The following RAI1 variants were observed in gnomAD, a reference collection of about 807,000 sequenced individuals.
The protein encoded by RAI1 is retinoic acid-induced protein 1.
A neutral mutation model predicts 123.8 loss-of-function variants in RAI1; 9 were observed. The ratio of observed to expected loss-of-function variants is 0.07; its 90% CI spans 0.04 to 0.13. RAI1 has a LOEUF of 0.13. Ranked by LOEUF, RAI1 falls within the 10% of genes least tolerant of loss-of-function variation. The probability of loss-of-function intolerance (pLI) is 1.00; values close to 1 mark genes in which losing one functional copy is unlikely to be tolerated. For missense variants in RAI1, 2,256 were observed against 2,545.8 expected, an observed-to-expected ratio of 0.89 and a Z score of 2.45; for synonymous variants, 1,231 against 1,127.3, an observed-to-expected ratio of 1.09 and a Z score of -1.84.
chr17:17,699,385 C>T (rs1482588655), intron 1 of RAI1, among the ~76,000 whole-genome samples: 1 of 152,242 alleles, frequency 6.6e-6, no homozygotes, highest in Non-Finnish European at 1.5e-5. Context: ...ACAGAGCCAC[C>T]TGGATCGAAG....
At chr17:17,782,357 A>G (rs1183870530) in intron 2 of RAI1, 2 of 151,998 alleles carry the variant, frequency 1.3e-5, no homozygotes, top group Non-Finnish European at 2.9e-5. Flanking sequence ...GTTCGGTGCC[A>G]GAGGACTCCA....
rs1383394948 is a variant in RAI1 at position 17,795,560 on chromosome 17, A to T, written c.2612A>T (p.Tyr871Phe). 3 of 1,608,818 alleles carry T rather than the reference A, an allele frequency of 1.9e-6. No individual in the cohort carries two copies. Among genetic ancestry groups the T allele is most frequent in the Non-Finnish European group, 2.5e-6 (3 of 1,177,950 alleles). The stretch of plus-strand genomic sequence containing the variant: ...GAGGACCTGGAAGCTGAGGAGGAGT[A>T]CTCCTCCCTATGTGAGCTCCTGGGC... ...RKEDLEAEEE[Y>F]SSLCELLGSP... The change falls in exon 3 of 6, where the codon TAC (tyrosine) becomes TTC (phenylalanine). Residue 871 changes from tyrosine to phenylalanine, a missense_variant. Tyr to Phe is a conservative substitution (Grantham distance 22). This residue lies in a region of RAI1 where 566 missense variants were observed against 616.0 expected (regional missense o/e 0.92). Transcript: ENST00000353383. This position sits in a 1 kb window ranked among gnomAD's most constrained non-coding sequence, Gnocchi z 5.9.
chr17:17,793,553 C>T lies in RAI1; in HGVS notation c.605C>T (p.Pro202Leu). 6.2e-7 allele frequency: 1 copy of T among 1,613,960 alleles called. No homozygotes were observed. Among genetic ancestry groups the T allele is most frequent in the Non-Finnish European group, 8.5e-7 (1 of 1,180,002 alleles). ...CAGAACGACATTGCCTCCCCTCTGC[C>T]CTTCCCCCAGGGTACCCACTTTCCT... ...KLQNDIASPL[P>L]FPQGTHFPQH... Residue 202 changes from proline (P) to leucine (L), a missense_variant, in exon 3 of 6, where the codon CCC becomes CTC. Around this residue, in one of 7 missense-constraint regions of RAI1, gnomAD observed 336 missense variants for 349.8 expected, o/e 0.96. Transcript: ENST00000353383.
rs376964045 is a variant in RAI1, at chr17:17,793,024, C to T, written c.76C>T (p.Arg26Cys). ...CCAGCAGACCTCGCAGGAAACATCA[C>T]GCCTAGAGAATTACAGGCAGCCGAG... ...NYQQTSQETS[R>C]LENYRQPSQA... is the part of the protein sequence containing the mutation. Residue 26 changes from arginine to cysteine, a missense_variant, in exon 3 of 6, where the codon CGC (arginine) becomes TGC (cysteine). By Grantham distance (180) the Arg-to-Cys change is radical. Transcript: ENST00000353383. 1.2e-5 allele frequency: 19 copies of T among 1,614,036 alleles called. No homozygotes were observed. Among genetic ancestry groups the T allele is most frequent in the Admixed American group, 3.3e-5 (2 of 60,016 alleles).
intron 2 of RAI1, among the ~76,000 whole-genome samples, chr17:17,744,909 GT>G (rs1162901020): frequency 6.7e-6 from 1 of 150,106 alleles, no homozygotes; most frequent in African/African-American, 2.4e-5. Flanking sequence ...CTTTGACTCT[GT>G]TTGTGGGCAT....
At chr17:17,775,275 C>T (rs1414266475) in intron 2 of RAI1, among the ~76,000 whole-genome samples, 1 of 148,404 alleles carries the variant, frequency 6.7e-6, no homozygotes, top group African/African-American at 2.5e-5. Context: ...ACAATCTCTG[C>T]TCACTGCAGC....
chr17:17,793,641 G>T lies in RAI1; in HGVS notation c.693G>T (p.Gln231His). The change falls in exon 3 of 6, where the codon CAG (glutamine) becomes CAT (histidine). Residue 231 changes from glutamine to histidine, a missense_variant. By Grantham distance (24) the Gln-to-His change is conservative (BLOSUM62 0). Coordinates refer to ENST00000353383, the MANE Select transcript of RAI1 (RefSeq NM_030665.4). ...CCTCCTCTGTCCAGGGTGGTGGGCA[G>T]GGGGCCCACTCCTATAAGAGTTGCA... ...TYSSSVQGGG[Q>H]GAHSYKSCTA... 6.2e-7 allele frequency: 1 copy of T among 1,613,276 alleles called. No individual in the cohort carries two copies. Among genetic ancestry groups the T allele is most frequent in the South Asian group, 1.1e-5 (1 of 91,084 alleles).
At chr17:17,791,090 C>A (rs923702913) in intron 2 of RAI1, among the ~76,000 whole-genome samples, 4 of 152,220 alleles carry the variant, frequency 2.6e-5, no homozygotes, top group Non-Finnish European at 5.9e-5. Flanking sequence ...AGAGGGAAAG[C>A]GGCTTTGATA....
chr17:17,724,880 C>G (rs1249770212), intron 2 of RAI1, among the ~76,000 whole-genome samples: 1 of 152,162 alleles, frequency 6.6e-6, no homozygotes, highest in Non-Finnish European at 1.5e-5. Flanking sequence ...AACACTTCCC[C>G]TGGAGACCCC....
intron 1 of RAI1, among the ~76,000 whole-genome samples, chr17:17,698,312 A>C (rs996016524): frequency 2.6e-5 from 4 of 152,114 alleles, no homozygotes; most frequent in Non-Finnish European, 4.4e-5. Context: ...CCTGCCACTC[A>C]AGAGTTGAGT....
At chr17:17,745,106 G>A (rs1168894998) in intron 2 of RAI1, among the ~76,000 whole-genome samples, 1 of 152,166 alleles carries the variant, frequency 6.6e-6, no homozygotes, top group East Asian at 1.9e-4. Context: ...CCACAAAGGA[G>A]GGAACTAACT....
chr17:17,704,796 G>A (rs1915342827), intron 1 of RAI1, among the ~76,000 whole-genome samples: 1 of 151,400 alleles, frequency 6.6e-6, no homozygotes, highest in South Asian at 2.1e-4. Context: ...TAGAGATGTT[G>A]GCCAAAGTTT....
intron 1 of RAI1, among the ~76,000 whole-genome samples, chr17:17,692,588 C>G (rs771145096): frequency 1.3e-5 from 2 of 152,214 alleles, no homozygotes; most frequent in Non-Finnish European, 2.9e-5. Context: ...CTGCTTACCC[C>G]CTTCCCCATG....
Position 17,809,724 on chromosome 17 carries a change from G to A in RAI1, c.5710-246G>A, listed in dbSNP as rs1878749792. Among the ~76,000 whole-genome samples, 1 of 152,266 alleles carries A rather than the reference G, an allele frequency of 6.6e-6. No individual in the cohort carries two copies. The highest frequency in any genetic ancestry group is 3.4e-3 in the Middle Eastern group (1 of 292). On this transcript the variant is annotated intron_variant, in intron 5 of 5. Coordinates refer to ENST00000353383, the MANE Select transcript of RAI1 (RefSeq NM_030665.4). The surrounding 1 kb of genome is among the most constrained non-coding windows in gnomAD (Gnocchi z 4.9). ...GGACGGCCTCCCTGCAGCTCCCCAA[G>A]ATAGGTGACAGAGTGGGGCAGGCGG...
chr17:17,695,370 C>T (rs867141473), intron 1 of RAI1, among the ~76,000 whole-genome samples: 108 of 152,056 alleles, frequency 7.1e-4, no homozygotes, highest in African/African-American at 2.5e-3. Context: ...GGCTGGGAGG[C>T]ACATTCCTAC....
In RAI1 at chr17:17,794,662, T is replaced by G; in HGVS notation, c.1714T>G (p.Phe572Val). The change falls in exon 3 of 6, where the codon TTC (phenylalanine) becomes GTC (valine). Residue 572 changes from phenylalanine (F) to valine (V), a missense_variant. By Grantham distance (50) the Phe-to-Val change is conservative. Around this residue, in one of 7 missense-constraint regions of RAI1, gnomAD observed 357 missense variants for 480.2 expected, o/e 0.74. Coordinates refer to ENST00000353383, the MANE Select transcript of RAI1 (RefSeq NM_030665.4). ...DDMSTKSDDS[F>V]QSLHGSLPLD... is the part of the protein sequence containing the mutation. ...CATGTCCACCAAATCTGACGACTCC[T>G]TCCAGAGCCTACACGGCAGTCTGCC... 1 of 1,612,846 alleles carries G rather than the reference T, an allele frequency of 6.2e-7. No homozygotes were observed. Among genetic ancestry groups the G allele is most frequent in the Non-Finnish European group, 8.5e-7 (1 of 1,180,006 alleles).
At chr17:17,688,877 C>T (rs1024711911) in intron 1 of RAI1, among the ~76,000 whole-genome samples, 11 of 151,944 alleles carry the variant, frequency 7.2e-5, no homozygotes, top group Non-Finnish European at 1.3e-4. Context: ...GGATTACAGG[C>T]GTGAGTCACT....
At chr17:17,792,481 A>G (rs1184978233) in intron 2 of RAI1, among the ~76,000 whole-genome samples, 1 of 149,712 alleles carries the variant, frequency 6.7e-6, no homozygotes, top group Non-Finnish European at 1.5e-5. Flanking sequence ...GCCCCAGGGG[A>G]TGAGGGAGCG....
At chr17:17,775,132 T>C (rs1035349816) in intron 2 of RAI1, among the ~76,000 whole-genome samples, 4 of 151,906 alleles carry the variant, frequency 2.6e-5, no homozygotes, top group African/African-American at 9.7e-5. Flanking sequence ...TGCCTTTGTG[T>C]GCAGCTGACC....
Sources: gnomAD v4.1 joint callset for allele counts (sites outside exome capture counted in the v4.1 genomes callset) on GRCh38, gnomAD v4.1.1 for gene constraint, gnomAD v4.1.1 regional missense constraint, Gnocchi (gnomAD v3.1) non-coding constraint, MANE v1.5 for transcripts, NCBI Gene and HGNC (gene_info 2026-07-23, HGNC 2026-07-21) for gene names.